PTPRK: variants seen among roughly 807,000 people sequenced by gnomAD.
PTPRK encodes receptor-type tyrosine-protein phosphatase kappa.
PTPRK carries 75 observed loss-of-function variants against 178.0 expected under a neutral mutation model. The observed-to-expected ratio is 0.42, with a 90% confidence interval of 0.35 to 0.51. The LOEUF (loss-of-function observed/expected upper bound fraction) is 0.51, where lower values mean the gene tolerates loss of function less well. Ranked by LOEUF, PTPRK falls within the 20% of genes least tolerant of loss-of-function variation. The pLI is 0.02. For missense variants in PTPRK, 1,441 were observed against 1,797.8 expected (o/e 0.80, Z 3.59); for synonymous variants, 637 against 620.6 (o/e 1.03, Z -0.39).
chr6:128,330,783 C>T (rs1273906212), intron 2 of PTPRK, among the ~76,000 whole-genome samples: 1 of 152,048 alleles, frequency 6.6e-6, no homozygotes, highest in Non-Finnish European at 1.5e-5. Flanking sequence ...CCTTCCTCTC[C>T]AACATTATTT....
intron 1 of PTPRK, chr6:128,409,152 T>C (rs187284028): frequency 6.6e-6 from 2 of 303,170 alleles, no homozygotes; most frequent in African/African-American, 2.2e-5. Flanking sequence ...GGAAACTACT[T>C]ATGGGAAGCA....
intron 3 of PTPRK, among the ~76,000 whole-genome samples, chr6:128,301,378 A>G (rs150313381): frequency 6.6e-6 from 1 of 152,136 alleles, no homozygotes; most frequent in African/African-American, 2.4e-5. Flanking sequence ...TCTTTTAAAA[A>G]AAAATAATAG....
At chr6:128,373,503 G>A (rs1836591305) in intron 2 of PTPRK, among the ~76,000 whole-genome samples, 1 of 152,118 alleles carries the variant, frequency 6.6e-6, no homozygotes, top group South Asian at 2.1e-4. Context: ...TGGGGGTGTG[G>A]CATTAATCCT....
At chr6:128,052,210 T>C (rs911050804) in intron 13 of PTPRK, among the ~76,000 whole-genome samples, 1 of 151,900 alleles carries the variant, frequency 6.6e-6, no homozygotes, top group Non-Finnish European at 1.5e-5. Flanking sequence ...GCATGAAGAG[T>C]AAGTGACTGC....
At chr6:128,172,645 ATG>A (rs1242812192) in intron 7 of PTPRK, among the ~76,000 whole-genome samples, 1 of 149,460 alleles carries the variant, frequency 6.7e-6, no homozygotes, top group Non-Finnish European at 1.5e-5. Flanking sequence ...TATATATATA[ATG>A]TGTATATATA....
chr6:128,276,638 A>T (rs1354417391), intron 3 of PTPRK, among the ~76,000 whole-genome samples: 1 of 152,164 alleles, frequency 6.6e-6, no homozygotes, highest in Non-Finnish European at 1.5e-5. Flanking sequence ...TCAGTAAAAC[A>T]ATTCCATTGG....
chr6:128,106,118 A>G (rs1023132963), intron 7 of PTPRK, among the ~76,000 whole-genome samples: 1 of 152,220 alleles, frequency 6.6e-6, no homozygotes. Context: ...AAAAACTAGT[A>G]TCTACCTTAT....
chr6:128,248,544 A>G (rs562560481), intron 3 of PTPRK, among the ~76,000 whole-genome samples: 34 of 152,306 alleles, frequency 2.2e-4, no homozygotes, highest in Admixed American at 2.0e-4. Flanking sequence ...TTATTAATAA[A>G]AGAGTATCTA....
intron 10 of PTPRK, among the ~76,000 whole-genome samples, chr6:128,080,399 A>T (rs576597429): frequency 1.3e-5 from 2 of 152,200 alleles, no homozygotes; most frequent in East Asian, 3.9e-4. Context: ...CTGTGGATTA[A>T]AGATAGATAT....
chr6:128,187,228 G>A (rs12216352), intron 6 of PTPRK, among the ~76,000 whole-genome samples: 1 of 151,430 alleles, frequency 6.6e-6, no homozygotes, highest in East Asian at 1.9e-4. Context: ...GAGAGAGGAA[G>A]GAAAGAAAAA....
At position 128,221,281 on chromosome 6, in the gene PTPRK, T is replaced by C. The variant is rs143715760; in HGVS notation, c.694-2185A>G. 5.5e-3 allele frequency among the ~76,000 whole-genome samples: 842 copies of C among 152,224 alleles called. 3 individuals carry two copies. The highest frequency in any genetic ancestry group is 0.019 in the African/African-American group (799 of 41,530). On this transcript the variant is annotated intron_variant, in intron 5 of 29. Coordinates refer to ENST00000368226, the MANE Select transcript of PTPRK (RefSeq NM_002844.4). ...GGCTCACGCCTGTAATCCCAGCACTTTGTGAGGCCGAGGCGGCTGGATCAC... is the reference window on the plus strand; with the variant it reads ...GGCTCACGCCTGTAATCCCAGCACTCTGTGAGGCCGAGGCGGCTGGATCAC...
At chr6:128,191,821 A>G (rs1803854027) in intron 6 of PTPRK, among the ~76,000 whole-genome samples, 1 of 152,198 alleles carries the variant, frequency 6.6e-6, no homozygotes, top group Non-Finnish European at 1.5e-5. Flanking sequence ...TAATAAATTT[A>G]CCACGTATCC....
At chr6:128,206,658 G>A (rs984866905) in intron 6 of PTPRK, among the ~76,000 whole-genome samples, 1 of 152,098 alleles carries the variant, frequency 6.6e-6, no homozygotes, top group Non-Finnish European at 1.5e-5. Flanking sequence ...CATCTCAAAA[G>A]TAGCTTCATA....
At chr6:128,427,367 C>T (rs1844274127) in intron 1 of PTPRK, among the ~76,000 whole-genome samples, 1 of 152,218 alleles carries the variant, frequency 6.6e-6, no homozygotes, top group African/African-American at 2.4e-5. Flanking sequence ...CCACACCACT[C>T]CCTTGCCTGC....
chr6:128,220,935 A>G (rs577821493), intron 5 of PTPRK, among the ~76,000 whole-genome samples: 1 of 152,340 alleles, frequency 6.6e-6, no homozygotes, highest in South Asian at 2.1e-4. Flanking sequence ...ATACTCCACT[A>G]TAGCAACTTC....
chr6:128,418,843 T>C (rs143666350), intron 1 of PTPRK, among the ~76,000 whole-genome samples: 9 of 152,182 alleles, frequency 5.9e-5, no homozygotes, highest in Non-Finnish European at 5.9e-5. Flanking sequence ...TTCTTGTCTA[T>C]ATCATTCTTT....
At chr6:128,363,743 A>G (rs554252907) in intron 2 of PTPRK, among the ~76,000 whole-genome samples, 3 of 152,174 alleles carry the variant, frequency 2.0e-5, no homozygotes, top group Non-Finnish European at 4.4e-5. Context: ...AGCTAAGTAA[A>G]AATATTCTCA....
rs75997749 is a variant in PTPRK at position 128,083,153 on chromosome 6, C to T, written c.1576-515G>A. 1.4e-3 allele frequency among the ~76,000 whole-genome samples: 210 copies of T among 152,122 alleles called. 5 individuals carry two copies. In the East Asian group the frequency reaches 0.033, roughly 24 times the overall value. On this transcript the variant is annotated intron_variant, in intron 9 of 29. Transcript: ENST00000368226. ...ATTTAAGCATTTATGATCTAATCAA[C>T]GCTATGTAGGAACAGAACTACACAT...
At chr6:128,170,261 A>C (rs927911772) in intron 7 of PTPRK, among the ~76,000 whole-genome samples, 2 of 152,038 alleles carry the variant, frequency 1.3e-5, no homozygotes, top group African/African-American at 2.4e-5. Context: ...AATAAGTGAC[A>C]GGGAAGATAG....
Sources: allele counts gnomAD v4.1 joint callset (sites outside exome capture counted in the v4.1 genomes callset), GRCh38; gene constraint gnomAD v4.1.1; transcripts MANE v1.5; gene names NCBI Gene and HGNC (gene_info 2026-07-23, HGNC 2026-07-21).